Variants in OSTC observed in about 807,000 individuals in gnomAD.
OSTC encodes oligosaccharyltransferase complex non-catalytic subunit, also known as oligosaccharyltransferase complex subunit OSTC.
Under a neutral mutation model 16.4 loss-of-function variants are expected in OSTC, and 16 were observed. That is an observed-to-expected ratio of 0.98 (90% CI 0.66 to 1.49). The LOEUF (loss-of-function observed/expected upper bound fraction) is 1.49. Among genes scored for constraint, OSTC ranks in the 40% most tolerant of loss-of-function variants. The pLI, the probability that OSTC is intolerant of heterozygous loss-of-function variation, is 0.00. For missense variants in OSTC, 139 were observed against 186.3 expected, an observed-to-expected ratio of 0.75 and a Z score of 1.48; for synonymous variants, 67 against 68.5, an observed-to-expected ratio of 0.98 and a Z score of 0.11.
chr4:108,658,805 A>G (rs1163842493), intron 3 of OSTC, among the ~76,000 whole-genome samples: 1 of 151,908 alleles, frequency 6.6e-6, no homozygotes, highest in African/African-American at 2.4e-5. Flanking sequence ...TAACCTGTCC[A>G]TTGTCTGTAA....
intron 3 of OSTC, among the ~76,000 whole-genome samples, chr4:108,658,214 G>A (rs1726762595): frequency 6.6e-6 from 1 of 152,050 alleles, no homozygotes; most frequent in South Asian, 2.1e-4. Context: ...TTATAGGCAT[G>A]AGCTACGGCG....
At chr4:108,664,389 A>C (rs981329158) in intron 3 of OSTC, among the ~76,000 whole-genome samples, 16 of 152,216 alleles carry the variant, frequency 1.1e-4, no homozygotes, top group Non-Finnish European at 1.2e-4. Context: ...CTTGTTTCAT[A>C]GTGTAAGCTA....
chr4:108,667,147 A>G, intron 3 of OSTC, 100 bp from the exon 4 acceptor site: 2 of 864,092 alleles, frequency 2.3e-6, no homozygotes, highest in Non-Finnish European at 3.6e-6. Flanking sequence ...GTTATTTGAT[A>G]TATCATAAAA....
At chr4:108,662,060 T>C (rs1361696578) in intron 3 of OSTC, among the ~76,000 whole-genome samples, 2 of 152,192 alleles carry the variant, frequency 1.3e-5, no homozygotes, top group Non-Finnish European at 2.9e-5. Flanking sequence ...ATAGATACTA[T>C]CAGATAATTG....
intron 2 of OSTC, among the ~76,000 whole-genome samples, chr4:108,656,732 C>G (rs572623530): frequency 4.5e-4 from 69 of 152,094 alleles, no homozygotes; most frequent in Non-Finnish European, 7.9e-4. Context: ...CATAAAACTT[C>G]AAGAAACACA....
intron 3 of OSTC, among the ~76,000 whole-genome samples, chr4:108,659,128 G>A (rs1351108442): frequency 2.1e-4 from 2 of 9,756 alleles, no homozygotes; most frequent in Non-Finnish European, 3.8e-4. Flanking sequence ...ACAGGCGCCC[G>A]CCACCACACC....
At chr4:108,657,675 A>C (rs1464043972) in intron 3 of OSTC, 28 bp downstream of exon 3, 1 of 1,550,504 alleles carries the variant, frequency 6.4e-7, no homozygotes, top group Non-Finnish European at 8.8e-7. Context: ...TCAGCACCTT[A>C]TGTTGCAAAT....
chr4:108,654,155 G>A (rs1309141412), intron 1 of OSTC, among the ~76,000 whole-genome samples: 4 of 152,194 alleles, frequency 2.6e-5, no homozygotes, highest in African/African-American at 9.7e-5. Flanking sequence ...ACTGAAAAGT[G>A]TCTATTGAAT....
At chr4:108,658,416 T>A (rs1578339797) in intron 3 of OSTC, among the ~76,000 whole-genome samples, 1 of 117,806 alleles carries the variant, frequency 8.5e-6, no homozygotes, top group African/African-American at 3.4e-5. Context: ...GAAAAGGATA[T>A]TTATATATTT....
At chr4:108,663,977 G>A (rs1426218265) in intron 3 of OSTC, among the ~76,000 whole-genome samples, 1 of 152,090 alleles carries the variant, frequency 6.6e-6, no homozygotes, top group Non-Finnish European at 1.5e-5. Context: ...ATAAGATTAT[G>A]AAATTTTCTG....
chr4:108,651,656 G>A (rs559280892), intron 1 of OSTC, among the ~76,000 whole-genome samples: 42 of 152,246 alleles, frequency 2.8e-4, no homozygotes, highest in Admixed American at 2.4e-3. Context: ...TAGATTTGGG[G>A]AAGTGGTGTA....
At chr4:108,656,988 A>T (rs1726723363) in intron 2 of OSTC, among the ~76,000 whole-genome samples, 1 of 151,666 alleles carries the variant, frequency 6.6e-6, no homozygotes, top group Admixed American at 6.6e-5. Context: ...AGTCCCAGCG[A>T]TCTGGGAGGT....
intron 1 of OSTC, among the ~76,000 whole-genome samples, chr4:108,653,625 A>G (rs759340493): frequency 8.5e-5 from 13 of 152,198 alleles, no homozygotes; most frequent in Non-Finnish European, 1.9e-4. Flanking sequence ...AGATGGAAGT[A>G]TCATTTCCTG....
chr4:108,659,508 C>T (rs764490267), intron 3 of OSTC, among the ~76,000 whole-genome samples: 1 of 152,162 alleles, frequency 6.6e-6, no homozygotes, highest in Non-Finnish European at 1.5e-5. Flanking sequence ...AAGGCTCATG[C>T]CTGTAATCCC....
chr4:108,663,976 T>C (rs1008467132), intron 3 of OSTC, among the ~76,000 whole-genome samples: 2 of 152,218 alleles, frequency 1.3e-5, no homozygotes, highest in Admixed American at 6.5e-5. Flanking sequence ...TATAAGATTA[T>C]GAAATTTTCT....
rs539726008 is a variant in OSTC at position 108,656,048 on chromosome 4, A to G, written c.233+391A>G. Among the ~76,000 whole-genome samples, 7 of 152,258 alleles carry G rather than the reference A, an allele frequency of 4.6e-5. No individual in the cohort carries two copies. The East Asian group carries it at 1.2e-3, about 25-fold the overall frequency. On this transcript the variant is annotated intron_variant, in intron 2 of 3. Transcript: ENST00000361564. ...GCTAGAGTGGCTGAGCTGAATAAGT[A>G]TGACACAAACCATATACCCCACAAG...
intron 3 of OSTC, among the ~76,000 whole-genome samples, chr4:108,662,292 T>C: frequency 6.6e-6 from 1 of 152,262 alleles, no homozygotes; most frequent in East Asian, 1.9e-4. Context: ...ATGCTGCATA[T>C]ATGTGATTCC....
chr4:108,667,260 G>A lies in OSTC; in HGVS notation c.445G>A (p.Gly149Ser). Residue 149 changes from glycine to serine, a missense_variant, in exon 4 of 4, where the codon GGT becomes AGT. By Grantham distance (56) the Gly-to-Ser change is moderately conservative. Coordinates refer to ENST00000361564, the MANE Select transcript of OSTC (RefSeq NM_021227.4). ...MRMKLPGYLM[G>S] ...ATATTTCTGCAGGGGCTATCTGATG[G>A]GTTAGAGTGCCTTTGAGAAGAAATC... 6.2e-7 allele frequency: 1 copy of A among 1,609,064 alleles called. No individual in the cohort carries two copies. Among genetic ancestry groups the A allele is most frequent in the Non-Finnish European group, 8.5e-7 (1 of 1,177,152 alleles).
chr4:108,666,734 C>T lies in OSTC; in HGVS notation c.432-513C>T, dbSNP rs147655614. ...CTCAAAAAAAAAAAAAAAACTTTGC[C>T]GGGCTTCACGCGTGTAATCCCAGCA... On this transcript the variant is annotated intron_variant, in intron 3 of 3. Coordinates refer to ENST00000361564, the MANE Select transcript of OSTC (RefSeq NM_021227.4). Among the ~76,000 whole-genome samples the T allele has an allele frequency of 5.6e-3, 670 of 118,752 alleles. 11 individuals carry two copies. The highest frequency in any genetic ancestry group is 0.019 in the African/African-American group (592 of 30,796). 77.9% of individuals were successfully genotyped at this position (118,752 alleles called of 152,430 possible).
Sources: allele counts gnomAD v4.1 joint callset (sites outside exome capture counted in the v4.1 genomes callset), GRCh38; gene constraint gnomAD v4.1.1; transcripts MANE v1.5; gene names NCBI Gene and HGNC (gene_info 2026-07-23, HGNC 2026-07-21).